ILRUN: variants seen among roughly 807,000 people sequenced by gnomAD.
The protein encoded by ILRUN is inflammation and lipid regulator with UBA-like and NBR1-like domains.
A neutral mutation model predicts 33.8 loss-of-function variants in ILRUN; 3 were observed. The observed-to-expected ratio is 0.09, with a 90% CI of 0.04 to 0.23. The LOEUF (loss-of-function observed/expected upper bound fraction) is 0.23. ILRUN is among the 10% of genes least tolerant of loss of function. The pLI, the probability that ILRUN is intolerant of heterozygous loss-of-function variation, is 1.00. For missense variants in ILRUN, 210 were observed against 375.1 expected, an observed-to-expected ratio of 0.56 and a Z score of 3.64; for synonymous variants, 124 against 138.9, an observed-to-expected ratio of 0.89 and a Z score of 0.75.
intron 1 of ILRUN, among the ~76,000 whole-genome samples, chr6:34,657,717 G>C (rs746548528): frequency 7.2e-5 from 11 of 152,178 alleles, no homozygotes; most frequent in Non-Finnish European, 1.5e-4. Flanking sequence ...AGAGTTCAGA[G>C]AATTTAAATT....
chr6:34,689,222 T>C (rs753533367), intron 1 of ILRUN, among the ~76,000 whole-genome samples: 1 of 151,966 alleles, frequency 6.6e-6, no homozygotes, highest in Non-Finnish European at 1.5e-5. Context: ...TAATCCCAAG[T>C]ACTCAGGTGG....
chr6:34,683,511 TATACATATATATATATAC>T lies in ILRUN; in HGVS notation c.158+12917_158+12934del, dbSNP rs1562033355. 6.3e-3 allele frequency among the ~76,000 whole-genome samples: 565 copies of T among 90,214 alleles called. 23 individuals carry two copies. The highest frequency in any genetic ancestry group is 0.022 in the African/African-American group (365 of 16,386). The allele number at this position is 90,214 out of a possible 152,430, so 59.2% of individuals were successfully genotyped here. A position where few individuals can be genotyped will look rare whatever the true frequency, so the allele number is the denominator to read the frequency against. On this transcript the variant is annotated intron_variant, in intron 1 of 4. Coordinates refer to ENST00000374023, the MANE Select transcript of ILRUN (RefSeq NM_024294.4). Reference sequence around the variant, plus strand: ...ACATATATATATACATATATATATATATACATATATATATATACATATTGCACAGAATATTCTGTGCAA... The same window carrying T: ...ACATATATATATACATATATATATATATATTGCACAGAATATTCTGTGCAA...
Position 34,670,087 on chromosome 6 carries a change from AT to A in ILRUN, c.159-15309del, listed in dbSNP as rs746746587. 1.0e-3 allele frequency among the ~76,000 whole-genome samples: 156 copies of A among 152,048 alleles called. 4 individuals are homozygous for A. Among genetic ancestry groups the A allele is most frequent in the Middle Eastern group, 3.4e-3 (1 of 292 alleles). On this transcript the variant is annotated intron_variant, in intron 1 of 4. Coordinates refer to ENST00000374023, the MANE Select transcript of ILRUN (RefSeq NM_024294.4). The stretch of plus-strand genomic sequence containing the variant: ...CTACCACACCCAGCTAATTTTTTGT[AT>A]TTTTAGTAGAGACAGGGTTTCACCA...
intron 2 of ILRUN, 94 bp downstream of exon 2, chr6:34,654,531 C>T (rs1762732853): frequency 7.6e-7 from 1 of 1,319,898 alleles, no homozygotes; most frequent in South Asian, 1.5e-5. Context: ...CTCGCAGTTA[C>T]ACAATCACAT....
At chr6:34,631,191 G>C (rs1762237155) in intron 3 of ILRUN, among the ~76,000 whole-genome samples, 1 of 152,186 alleles carries the variant, frequency 6.6e-6, no homozygotes, top group Admixed American at 6.6e-5. Flanking sequence ...AAGGTAGACA[G>C]GATGTACTGG....
intron 4 of ILRUN, among the ~76,000 whole-genome samples, chr6:34,600,007 G>A (rs759913807): frequency 1.3e-5 from 2 of 152,126 alleles, no homozygotes; most frequent in African/African-American, 4.8e-5. Context: ...TACCTCTGCT[G>A]CCACCAACCT....
intron 1 of ILRUN, among the ~76,000 whole-genome samples, chr6:34,689,714 C>T (rs1334899991): frequency 6.6e-6 from 1 of 151,568 alleles, no homozygotes; most frequent in Non-Finnish European, 1.5e-5. Flanking sequence ...AGAGGTACAA[C>T]TGATTTTCAT....
Position 34,696,672 on chromosome 6 carries a change from G to A in ILRUN, c.-69C>T, listed in dbSNP as rs555454118. On this transcript the variant is annotated 5_prime_UTR_variant, in exon 1 of 5. Transcript: ENST00000374023. ...CCGCCGCCGCGCCGCCGGGCCCGGG[G>A]ACCTGGAGGGGGGCCGCTGCTAGCT... The A allele has an allele frequency of 1.3e-6, 2 of 1,536,548 alleles. No individual in the cohort carries two copies. The highest frequency in any genetic ancestry group is 1.4e-5 in the African/African-American group (1 of 72,860).
In ILRUN at chr6:34,637,864, C is replaced by CTGTTGTTGTTGTTGT. The variant is rs57559266; in HGVS notation, c.511+8722_511+8736dup. On this transcript the variant is annotated intron_variant, in intron 3 of 4. Coordinates refer to ENST00000374023, the MANE Select transcript of ILRUN (RefSeq NM_024294.4). ...GTTGTTGCTGCTGCTGCTGCTGCTG[C>CTGTTGTTGTTGTTGT]TGTTGTTGTTGTTGTTGTTGTTGTT... Among the ~76,000 whole-genome samples, 591 of 142,018 alleles carry CTGTTGTTGTTGTTGT rather than the reference C, an allele frequency of 4.2e-3. 1 individual carries two copies. Among genetic ancestry groups the CTGTTGTTGTTGTTGT allele is most frequent in the Non-Finnish European group, 5.8e-3 (382 of 66,114 alleles). The allele number at this position is 142,018 out of a possible 152,430, so 93.2% of individuals were successfully genotyped here. A position where few individuals can be genotyped will look rare whatever the true frequency, so the allele number is the denominator to read the frequency against.
In ILRUN at chr6:34,590,618, T is replaced by G. The variant is rs1248986610; in HGVS notation, c.862-18A>C. On this transcript the variant is annotated intron_variant, in intron 4 of 4. Transcript: ENST00000374023. ...TGGAGCCCCTGGAAGAGAGTGAAGA[T>G]AGTCAGTGATGGTACACATAGCAGT... 3 of 1,551,170 alleles carry G rather than the reference T, an allele frequency of 1.9e-6. No homozygotes were observed. The African/African-American group carries it at 4.1e-5, about 21-fold the overall frequency.
At chr6:34,632,211 C>T (rs1413354717) in intron 3 of ILRUN, among the ~76,000 whole-genome samples, 1 of 152,068 alleles carries the variant, frequency 6.6e-6, no homozygotes, top group African/African-American at 2.4e-5. Flanking sequence ...AAGGCTGAGG[C>T]GGGTAGATCA....
At chr6:34,614,431 T>TA (rs869049658) in intron 3 of ILRUN, among the ~76,000 whole-genome samples, 2 of 113,974 alleles carry the variant, frequency 1.8e-5, no homozygotes, top group African/African-American at 6.8e-5. Flanking sequence ...CAAAAAATAA[T>TA]AAAAAAAAAA....
At chr6:34,625,040 CAT>C (rs1562007256) in intron 3 of ILRUN, among the ~76,000 whole-genome samples, 1 of 152,188 alleles carries the variant, frequency 6.6e-6, no homozygotes, top group Non-Finnish European at 1.5e-5. Flanking sequence ...GAACAAATAA[CAT>C]AGTAACCTCT....
At chr6:34,637,864 C>CTGCTGT (rs749114775) in intron 3 of ILRUN, among the ~76,000 whole-genome samples, 1,599 of 141,974 alleles carry the variant, frequency 0.011, 16 homozygotes, top group East Asian at 0.029. Context: ...GCTGCTGCTG[C>CTGCTGT]TGTTGTTGTT....
At chr6:34,669,872 TATTATATG>T (rs1392601921) in intron 1 of ILRUN, among the ~76,000 whole-genome samples, 1 of 151,534 alleles carries the variant, frequency 6.6e-6, no homozygotes, top group Non-Finnish European at 1.5e-5. Context: ...CATGACTACG[TATTATATG>T]ATTTCCACTT....
At chr6:34,641,392 A>G (rs548201880) in intron 3 of ILRUN, among the ~76,000 whole-genome samples, 40 of 152,300 alleles carry the variant, frequency 2.6e-4, no homozygotes, top group African/African-American at 8.2e-4. Context: ...ATGTTTTACA[A>G]CCAATAATAA....
chr6:34,621,923 GA>G (rs1266128648), intron 3 of ILRUN, among the ~76,000 whole-genome samples: 1 of 151,914 alleles, frequency 6.6e-6, no homozygotes, highest in Non-Finnish European at 1.5e-5. Flanking sequence ...TGGAATAGAA[GA>G]AACTGCCCAG....
At chr6:34,670,867 A>AG (rs1389005991) in intron 1 of ILRUN, among the ~76,000 whole-genome samples, 2 of 151,278 alleles carry the variant, frequency 1.3e-5, no homozygotes, top group Non-Finnish European at 2.9e-5. Context: ...AAAAAAGAAA[A>AG]GAAAAAAAAG....
At chr6:34,647,946 G>C (rs1240807997) in intron 2 of ILRUN, among the ~76,000 whole-genome samples, 1 of 152,200 alleles carries the variant, frequency 6.6e-6, no homozygotes, top group Admixed American at 6.5e-5. Flanking sequence ...TGATCTGCCT[G>C]CCTTGGCCTC....
Sources: gnomAD v4.1 joint callset for allele counts (sites outside exome capture counted in the v4.1 genomes callset) on GRCh38, gnomAD v4.1.1 for gene constraint, MANE v1.5 for transcripts, NCBI Gene and HGNC (gene_info 2026-07-23, HGNC 2026-07-21) for gene names.